GRM7: variants seen among roughly 807,000 people sequenced by gnomAD.
GRM7 encodes the protein metabotropic glutamate receptor 7.
Under a neutral mutation model 84.5 loss-of-function variants are expected in GRM7, and 35 were observed. That is an observed-to-expected ratio of 0.41 (90% CI 0.32 to 0.55). GRM7 has a LOEUF of 0.55. GRM7 is among the 20% of genes least tolerant of loss of function. The pLI, the probability that GRM7 is intolerant of heterozygous loss-of-function variation, is 0.19. For missense variants in GRM7, 1,003 were observed against 1,194.6 expected (o/e 0.84, Z 2.36); for synonymous variants, 487 against 455.1 (o/e 1.07, Z -0.89).
chr3:6,940,177 C>T (rs111514261), intron 1 of GRM7, among the ~76,000 whole-genome samples: 15,893 of 152,078 alleles, frequency 0.1, 880 homozygotes, highest in African/African-American at 0.13. Flanking sequence ...CTGCAGACTC[C>T]GCCTCCCGGG....
chr3:7,645,327 C>T (rs3792443), intron 8 of GRM7, among the ~76,000 whole-genome samples: 94,371 of 151,604 alleles, frequency 0.62, 31,384 homozygotes, highest in African/African-American at 0.83. Flanking sequence ...GGCGGGCAGA[C>T]CACAAGGTCA....
chr3:7,247,507 G>A lies in GRM7; in HGVS notation c.737-51177G>A, dbSNP rs566167100. ...CTACCTACTTGAGAGGCTGAGACAG[G>A]AGGATAACTTGAGCCCAGGAGTTTA... On this transcript the variant is annotated intron_variant, in intron 2 of 9. Coordinates refer to ENST00000357716, the MANE Select transcript of GRM7 (RefSeq NM_000844.4). Among the ~76,000 whole-genome samples, 10 of 151,262 alleles carry A rather than the reference G, an allele frequency of 6.6e-5. No homozygotes were observed. The South Asian group carries it at 2.1e-3, about 32-fold the overall frequency.
chr3:7,460,125 A>AAAAAAAAT (rs1250538408), intron 6 of GRM7, among the ~76,000 whole-genome samples: 1 of 150,356 alleles, frequency 6.7e-6, no homozygotes, highest in Non-Finnish European at 1.5e-5. Context: ...AAAAAAAAAA[A>AAAAAAAAT]AAAAGATGCC....
At chr3:7,505,313 A>G (rs1700007496) in intron 7 of GRM7, among the ~76,000 whole-genome samples, 1 of 152,180 alleles carries the variant, frequency 6.6e-6, no homozygotes, top group African/African-American at 2.4e-5. Flanking sequence ...TGCAGTTGTC[A>G]CAGGTTGGTG....
chr3:7,386,890 G>T lies in GRM7; in HGVS notation c.1034-28133G>T, dbSNP rs551329147. Among the ~76,000 whole-genome samples, 486 of 152,256 alleles carry T rather than the reference G, an allele frequency of 3.2e-3. 3 individuals carry two copies. The highest frequency in any genetic ancestry group is 0.011 in the African/African-American group (463 of 41,554). The stretch of plus-strand genomic sequence containing the variant: ...GCTAATTTACATTCTCACCAATGGT[G>T]CGTAAGTGTTCCCTTTTCTCTGCAA... On this transcript the variant is annotated intron_variant, in intron 4 of 9. Coordinates refer to ENST00000357716, the MANE Select transcript of GRM7 (RefSeq NM_000844.4).
At chr3:6,983,914 T>C (rs906274896) in intron 1 of GRM7, among the ~76,000 whole-genome samples, 1 of 152,164 alleles carries the variant, frequency 6.6e-6, no homozygotes, top group Non-Finnish European at 1.5e-5. Flanking sequence ...TATTTAACAA[T>C]GTATCTGTGG....
At chr3:7,069,446 A>G (rs1408148702) in intron 1 of GRM7, among the ~76,000 whole-genome samples, 1 of 152,122 alleles carries the variant, frequency 6.6e-6, no homozygotes, top group Non-Finnish European at 1.5e-5. Context: ...CCCATGGGCC[A>G]AACCTAATTG....
intron 9 of GRM7, among the ~76,000 whole-genome samples, chr3:7,734,117 T>C (rs1702419385): frequency 6.6e-6 from 1 of 152,158 alleles, no homozygotes; most frequent in African/African-American, 2.4e-5. Context: ...TCTAGGCTGA[T>C]GCTTCTCCAT....
intron 9 of GRM7, among the ~76,000 whole-genome samples, chr3:7,686,608 T>A (rs1244063295): frequency 6.6e-6 from 1 of 152,168 alleles, no homozygotes; most frequent in African/African-American, 2.4e-5. Context: ...TGCCAGCAGC[T>A]GCCATTGGTC....
chr3:7,065,271 A>G (rs2124975879), intron 1 of GRM7, among the ~76,000 whole-genome samples: 1 of 151,980 alleles, frequency 6.6e-6, no homozygotes, highest in African/African-American at 2.4e-5. Flanking sequence ...GCCTAAGCCA[A>G]TGTCTAAAAT....
rs397988598 is a variant in GRM7, at chr3:7,240,120, G to GTTTTT, written c.737-58544_737-58540dup. On this transcript the variant is annotated intron_variant, in intron 2 of 9. Coordinates refer to ENST00000357716, the MANE Select transcript of GRM7 (RefSeq NM_000844.4). Reference sequence around the variant, plus strand: ...TACCAGTAATCTTTTAGCATGTGAGGTTTTTTTTTTTTTTTTTTTTTTTTC... The same window carrying GTTTTT: ...TACCAGTAATCTTTTAGCATGTGAGGTTTTTTTTTTTTTTTTTTTTTTTTTTTTTC... Among the ~76,000 whole-genome samples, 228 of 52,716 alleles carry GTTTTT rather than the reference G, an allele frequency of 4.3e-3. 28 individuals carry two copies. The highest frequency in any genetic ancestry group is 0.031 in the Middle Eastern group (1 of 32). 34.6% of individuals were successfully genotyped at this position (52,716 alleles called of 152,430 possible).
intron 2 of GRM7, among the ~76,000 whole-genome samples, chr3:7,256,079 C>G (rs1319352261): frequency 6.6e-6 from 1 of 152,086 alleles, no homozygotes. Flanking sequence ...CCTTTTTGTC[C>G]ACATACCACA....
intron 9 of GRM7, among the ~76,000 whole-genome samples, chr3:7,692,022 T>G (rs993564774): frequency 1.3e-5 from 2 of 152,310 alleles, no homozygotes; most frequent in Non-Finnish European, 2.9e-5. Flanking sequence ...TTGTCTATCA[T>G]AAACTCTCAG....
At chr3:7,538,240 G>T (rs1239969374) in intron 7 of GRM7, among the ~76,000 whole-genome samples, 1 of 152,186 alleles carries the variant, frequency 6.6e-6, no homozygotes, top group Non-Finnish European at 1.5e-5. Context: ...CTCCTGAGAA[G>T]CTGGGATTAC....
intron 1 of GRM7, among the ~76,000 whole-genome samples, chr3:7,136,455 CA>C (rs1412016766): frequency 6.6e-6 from 1 of 152,042 alleles, no homozygotes; most frequent in African/African-American, 2.4e-5. Flanking sequence ...ACAGAGTGAG[CA>C]GCTTCCTAAA....
At chr3:7,001,347 C>T (rs1456818922) in intron 1 of GRM7, among the ~76,000 whole-genome samples, 1 of 152,002 alleles carries the variant, frequency 6.6e-6, no homozygotes, top group Non-Finnish European at 1.5e-5. Context: ...GAGACCCTGT[C>T]TCCAAAACTA....
intron 4 of GRM7, among the ~76,000 whole-genome samples, chr3:7,405,409 C>T (rs1012342005): frequency 6.6e-6 from 1 of 152,014 alleles, no homozygotes; most frequent in African/African-American, 2.4e-5. Flanking sequence ...TATTTTGATA[C>T]ACATTATATG....
At chr3:6,869,790 G>T (rs971632036) in intron 1 of GRM7, among the ~76,000 whole-genome samples, 2 of 152,170 alleles carry the variant, frequency 1.3e-5, no homozygotes, top group African/African-American at 4.8e-5. Flanking sequence ...ATAACAGCAA[G>T]GCTAAGAGCA....
chr3:6,958,794 C>A (rs1693175021), intron 1 of GRM7, among the ~76,000 whole-genome samples: 1 of 152,064 alleles, frequency 6.6e-6, no homozygotes, highest in South Asian at 2.1e-4. Flanking sequence ...CTATTTGATA[C>A]CTACTTTATA....
Sources: gnomAD v4.1 joint callset for allele counts (sites outside exome capture counted in the v4.1 genomes callset) on GRCh38, gnomAD v4.1.1 for gene constraint, MANE v1.5 for transcripts, NCBI Gene and HGNC (gene_info 2026-07-23, HGNC 2026-07-21) for gene names.